TEX264: variants seen among roughly 807,000 people sequenced by gnomAD.
TEX264 encodes testis-expressed protein 264.
In TEX264, 13 loss-of-function variants were observed where a neutral mutation model predicts 23.4. The ratio of observed to expected loss-of-function variants is 0.56; its 90% CI spans 0.36 to 0.88. The LOEUF (loss-of-function observed/expected upper bound fraction) is 0.88, where lower values mean the gene tolerates loss of function less well. Among genes scored for constraint, TEX264 ranks in the 40% least tolerant of loss-of-function variants. TEX264 has a pLI of 0.01. For synonymous variants in TEX264, 159 were observed against 170.0 expected (o/e 0.94, Z 0.50); for missense variants, 340 against 406.8 (o/e 0.84, Z 1.41).
intron 3 of TEX264, among the ~76,000 whole-genome samples, chr3:51,692,139 C>T (rs1182156615): frequency 6.6e-6 from 1 of 152,272 alleles, no homozygotes; most frequent in Non-Finnish European, 1.5e-5. Context: ...GGCAGCCCTG[C>T]AGGACCCTGG....
chr3:51,672,143 C>G (rs948751302), intron 1 of TEX264: 1 of 152,288 alleles, frequency 6.6e-6, no homozygotes, highest in South Asian at 2.1e-4. Flanking sequence ...TTAGAGGGAC[C>G]GGTAGGCTTT....
intron 4 of TEX264, among the ~76,000 whole-genome samples, chr3:51,701,191 C>T (rs989552161): frequency 6.6e-6 from 1 of 152,052 alleles, no homozygotes; most frequent in Admixed American, 6.5e-5. Context: ...CCCCAGTAGT[C>T]GTGGGGATTT....
intron 2 of TEX264, chr3:51,681,564 G>A (rs971092463): frequency 6.6e-6 from 1 of 152,428 alleles, no homozygotes; most frequent in African/African-American, 2.4e-5. Context: ...ATAGGGTGAA[G>A]AAGGACATTT....
intron 2 of TEX264, chr3:51,683,613 A>C (rs749155317): frequency 1.2e-4 from 19 of 152,256 alleles, no homozygotes; most frequent in Non-Finnish European, 2.5e-4. Flanking sequence ...CATGGGTTGC[A>C]GAAGAAGTCT....
intron 1 of TEX264, chr3:51,671,619 C>G (rs922895283): frequency 3.2e-5 from 5 of 155,056 alleles, no homozygotes; most frequent in African/African-American, 1.2e-4. Flanking sequence ...GCAGCCTGGG[C>G]TGCAAACTTT....
Position 51,687,754 on chromosome 3 carries a change from G to A in TEX264, c.480+3120G>A, listed in dbSNP as rs75849030. 1.2e-3 allele frequency among the ~76,000 whole-genome samples: 188 copies of A among 152,222 alleles called. 3 individuals are homozygous for A. In the East Asian group the frequency reaches 0.028, roughly 23 times the overall value. On this transcript the variant is annotated intron_variant, in intron 3 of 4. Transcript: ENST00000341333. ...GCAGGGGTGAATGGATCTTAGCTTC[G>A]GGTTTGGGAGGTGGAGAGCAGCTGC...
intron 3 of TEX264, 58 bp from the exon 4 acceptor site, chr3:51,699,348 G>T (rs1397757816): frequency 1.9e-6 from 3 of 1,577,160 alleles, no homozygotes; most frequent in Non-Finnish European, 2.6e-6. Context: ...GTCACCCAGG[G>T]ACAAGTGAGT....
chr3:51,684,386 T>C, intron 2 of TEX264, 27 bp from the exon 3 acceptor site: 1 of 1,610,244 alleles, frequency 6.2e-7, no homozygotes, highest in Non-Finnish European at 8.5e-7. Flanking sequence ...TTTGGCCAAC[T>C]CTCACACCCA....
chr3:51,678,942 G>A lies in TEX264; in HGVS notation c.258+4380G>A, dbSNP rs189659531. 1.4e-3 allele frequency among the ~76,000 whole-genome samples: 216 copies of A among 152,282 alleles called. 1 individual carries two copies. The highest frequency in any genetic ancestry group is 3.7e-3 in the South Asian group (18 of 4,818). ...GGGATGTTTCCTGAGGGCTCAGGCCGCCCCCTATCCTGGTTACTCCATGGT... is the reference window on the plus strand; with the variant it reads ...GGGATGTTTCCTGAGGGCTCAGGCCACCCCCTATCCTGGTTACTCCATGGT... On this transcript the variant is annotated intron_variant, in intron 2 of 4. Coordinates refer to ENST00000341333, the MANE Select transcript of TEX264 (RefSeq NM_015926.6).
chr3:51,700,388 A>G (rs1703246897), intron 4 of TEX264, among the ~76,000 whole-genome samples: 1 of 152,040 alleles, frequency 6.6e-6, no homozygotes, highest in East Asian at 1.9e-4. Context: ...TTCAACAGCC[A>G]AGGTCACCCT....
chr3:51,680,985 T>G (rs1702410015), intron 2 of TEX264, among the ~76,000 whole-genome samples: 1 of 152,208 alleles, frequency 6.6e-6, no homozygotes, highest in Non-Finnish European at 1.5e-5. Context: ...ATTTCCTCCT[T>G]GCTGGTGCCT....
rs375832604 is a variant in TEX264, at chr3:51,674,600, C to T, written c.258+38C>T. On this transcript the variant is annotated intron_variant, in intron 2 of 4. Coordinates refer to ENST00000341333, the MANE Select transcript of TEX264 (RefSeq NM_015926.6). ...CATGGGGTTCTGCCCCATGGATGGG[C>T]CTGGTGGGCCAGGGCTTCTTTGGGG... 3 of 1,602,014 alleles carry T rather than the reference C, an allele frequency of 1.9e-6. No homozygotes were observed. In the East Asian group the frequency reaches 6.7e-5, roughly 36 times the overall value.
At chr3:51,702,472 G>A (rs1703345898) in intron 4 of TEX264, among the ~76,000 whole-genome samples, 1 of 152,126 alleles carries the variant, frequency 6.6e-6, no homozygotes, top group Non-Finnish European at 1.5e-5. Flanking sequence ...GGTAGGGAGA[G>A]ACCCCAAATT....
chr3:51,672,130 G>A (rs1405523978), intron 1 of TEX264: 1 of 152,384 alleles, frequency 6.6e-6, no homozygotes, highest in Non-Finnish European at 1.5e-5. Flanking sequence ...GGACGAGGGT[G>A]CTTTAGAGGG....
intron 4 of TEX264, among the ~76,000 whole-genome samples, chr3:51,701,111 G>A (rs1032007023): frequency 7.2e-5 from 11 of 152,284 alleles, no homozygotes; most frequent in African/African-American, 2.2e-4. Flanking sequence ...ATATTTGATC[G>A]TCTTGCACTG....
In TEX264 at chr3:51,703,845, C is replaced by T. The variant is rs371693880; in HGVS notation, c.771C>T (p.Thr257=). The T allele has an allele frequency of 5.8e-5, 94 of 1,612,976 alleles. No individual in the cohort carries two copies. The highest frequency in any genetic ancestry group is 7.6e-5 in the Non-Finnish European group (90 of 1,179,446). The change falls in exon 5 of 5, where the codon ACC becomes ACT. Residue 257 remains threonine, a synonymous_variant. Coordinates refer to ENST00000341333, the MANE Select transcript of TEX264 (RefSeq NM_015926.6). The surrounding 1 kb of genome is among the most constrained non-coding windows in gnomAD (Gnocchi z 4.8). ...ASSRGWDDGD[T]RSEHSYSESG... is the part of the protein sequence containing the mutation. ...GCCGTGGCTGGGATGACGGTGACAC[C>T]CGCAGCGAGCACAGCTACAGCGAGT...
chr3:51,675,637 A>C (rs1285296133), intron 2 of TEX264, among the ~76,000 whole-genome samples: 1 of 152,134 alleles, frequency 6.6e-6, no homozygotes, highest in Non-Finnish European at 1.5e-5. Context: ...CTTGATGTCC[A>C]CAGAACTTTG....
At position 51,684,571 on chromosome 3, in the gene TEX264, C is replaced by T; in HGVS notation, c.417C>T (p.Thr139=). Reference sequence around the variant, plus strand: ...TGGTGACAGCCACCTTCCCCTACACCACCATTCTGTCCATCTGGCTGGCTA... The same window carrying T: ...TGGTGACAGCCACCTTCCCCTACACTACCATTCTGTCCATCTGGCTGGCTA... ...SHVVTATFPY[T]TILSIWLATR... Residue 139 remains threonine, a synonymous_variant, in exon 3 of 5, where the codon ACC becomes ACT. Transcript: ENST00000341333. The T allele has an allele frequency of 2.5e-6, 4 of 1,614,210 alleles. No homozygotes were observed. Among genetic ancestry groups the T allele is most frequent in the Non-Finnish European group, 3.4e-6 (4 of 1,180,044 alleles).
chr3:51,689,386 C>G (rs74367224), intron 3 of TEX264, among the ~76,000 whole-genome samples: 18 of 150,244 alleles, frequency 1.2e-4, no homozygotes, highest in Non-Finnish European at 1.9e-4. Flanking sequence ...GCCAAGATCA[C>G]GCCATTGCAC....
Sources: gnomAD v4.1 joint callset for allele counts (sites outside exome capture counted in the v4.1 genomes callset) on GRCh38, gnomAD v4.1.1 for gene constraint, Gnocchi (gnomAD v3.1) non-coding constraint, MANE v1.5 for transcripts, NCBI Gene and HGNC (gene_info 2026-07-23, HGNC 2026-07-21) for gene names.